Variants in CDK17 observed in about 807,000 individuals in gnomAD.
CDK17 encodes cyclin-dependent kinase 17.
In CDK17, 24 loss-of-function variants were observed where a neutral mutation model predicts 77.6. The ratio of observed to expected loss-of-function variants is 0.31; its 90% CI spans 0.22 to 0.44. The LOEUF (loss-of-function observed/expected upper bound fraction) is 0.44, where lower values mean the gene tolerates loss of function less well. Ranked by LOEUF, CDK17 falls within the 20% of genes least tolerant of loss-of-function variation. The pLI, the probability that CDK17 is intolerant of heterozygous loss-of-function variation, is 1.00. For missense variants in CDK17, 429 were observed against 622.5 expected (o/e 0.69, Z 3.31); for synonymous variants, 203 against 210.4 (o/e 0.96, Z 0.30).
chr12:96,307,742 A>C (rs2137098472), intron 5 of CDK17, among the ~76,000 whole-genome samples: 2 of 152,184 alleles, frequency 1.3e-5, no homozygotes, highest in African/African-American at 4.8e-5. Context: ...ATGGTGGCAC[A>C]TGCCTGTAAT....
Position 96,334,795 on chromosome 12 carries a change from T to A in CDK17, c.42A>T (p.Gly14=). The part of the protein sequence containing the change: ...FKRRLSLTLR[G]SQTIDESLSE... ...ACAATGATTCATCAATAGTCTGACT[T>A]CCTCGGAGTGTGAGGGATAGCCTTC... The change falls in exon 2 of 17, where the codon GGA becomes GGT. Residue 14 remains glycine (G), a synonymous_variant. Coordinates refer to ENST00000261211, the MANE Select transcript of CDK17 (RefSeq NM_002595.5). The A allele has an allele frequency of 6.2e-7, 1 of 1,611,644 alleles. No homozygotes were observed. The highest frequency in any genetic ancestry group is 1.1e-5 in the South Asian group (1 of 91,020).
chr12:96,289,652 T>C (rs1043043528), intron 10 of CDK17, among the ~76,000 whole-genome samples: 4 of 152,220 alleles, frequency 2.6e-5, no homozygotes, highest in Admixed American at 1.3e-4. Flanking sequence ...GCCAATGACA[T>C]TGAGATACAC....
intron 1 of CDK17, among the ~76,000 whole-genome samples, chr12:96,343,246 C>T (rs980193537): frequency 6.6e-6 from 1 of 152,194 alleles, no homozygotes; most frequent in Non-Finnish European, 1.5e-5. Context: ...TAATTAGACA[C>T]TAAAAACAAC....
At chr12:96,311,601 C>CTTTTTTTTTTTTTTTTTTTTTTTTTTTT (rs1592719896) in intron 4 of CDK17, among the ~76,000 whole-genome samples, 2 of 95,572 alleles carry the variant, frequency 2.1e-5, no homozygotes, top group African/African-American at 8.3e-5. Flanking sequence ...GGCATTTCTA[C>CTTTTTTTTTTTTTTTTTTTTTTTTTTTT]TTTATTTAAT....
intron 2 of CDK17, among the ~76,000 whole-genome samples, chr12:96,333,868 T>G (rs1953004933): frequency 2.0e-5 from 3 of 152,106 alleles, no homozygotes; most frequent in Non-Finnish European, 2.9e-5. Flanking sequence ...GAAGCCTGGG[T>G]AGAATAAACG....
Position 96,295,060 on chromosome 12 carries a change from T to G in CDK17, c.936A>C (p.Arg312=). The G allele has an allele frequency of 6.2e-7, 1 of 1,612,598 alleles. No individual in the cohort carries two copies. Among genetic ancestry groups the G allele is most frequent in the Non-Finnish European group, 8.5e-7 (1 of 1,178,794 alleles). The change falls in exon 10 of 17, where the codon CGA becomes CGC. Residue 312 remains arginine, a synonymous_variant. Transcript: ENST00000261211. ...AYCHRRKVLH[R]DLKPQNLLIN... is the part of the protein sequence containing the mutation. ...TGAGGAGGTTCTGTGGTTTCAAGTC[T>G]CGATGCAATACCTTTCTTCTATGGC...
intron 3 of CDK17, among the ~76,000 whole-genome samples, chr12:96,322,423 C>T (rs565307692): frequency 6.7e-6 from 1 of 150,172 alleles, no homozygotes; most frequent in African/African-American, 2.5e-5. Context: ...GATTATTAAA[C>T]AGAGAAGAAT....
At chr12:96,315,815 C>G (rs1381356290) in intron 3 of CDK17, among the ~76,000 whole-genome samples, 1 of 152,074 alleles carries the variant, frequency 6.6e-6, no homozygotes, top group Non-Finnish European at 1.5e-5. Flanking sequence ...CTGGGTTTAC[C>G]TTCCACATTG....
intron 3 of CDK17, among the ~76,000 whole-genome samples, chr12:96,316,509 A>T (rs1295625134): frequency 6.7e-6 from 1 of 149,484 alleles, no homozygotes; most frequent in Non-Finnish European, 1.5e-5. Flanking sequence ...GGCAGGGCAC[A>T]GACAAACAAA....
intron 1 of CDK17, among the ~76,000 whole-genome samples, chr12:96,348,181 G>A (rs1953253654): frequency 6.6e-6 from 1 of 151,446 alleles, no homozygotes; most frequent in Non-Finnish European, 1.5e-5. Context: ...AAATAATAAA[G>A]TCCAAATTGG....
intron 1 of CDK17, among the ~76,000 whole-genome samples, chr12:96,380,283 G>T (rs67050115): frequency 0.2 from 1,673 of 8,190 alleles, 73 homozygotes; most frequent in African/African-American, 0.32. Context: ...TTTTTAGCTG[G>T]TTTTTTTTTT....
chr12:96,288,192 A>G (rs962677593), intron 11 of CDK17, among the ~76,000 whole-genome samples: 1 of 152,204 alleles, frequency 6.6e-6, no homozygotes, highest in Non-Finnish European at 1.5e-5. Flanking sequence ...TTTTATGAGT[A>G]TTTTACAATA....
chr12:96,316,301 T>C (rs555912489), intron 3 of CDK17, among the ~76,000 whole-genome samples: 417 of 149,348 alleles, frequency 2.8e-3, no homozygotes, highest in Non-Finnish European at 4.6e-3. Flanking sequence ...GCTCGGAGGG[T>C]CCTACGCCCA....
chr12:96,388,143 T>C (rs1445562070), intron 1 of CDK17, among the ~76,000 whole-genome samples: 1 of 151,748 alleles, frequency 6.6e-6, no homozygotes, highest in Non-Finnish European at 1.5e-5. Context: ...TAGAGTCACA[T>C]ACAAGAGTCA....
chr12:96,349,406 T>C (rs959934868), intron 1 of CDK17, among the ~76,000 whole-genome samples: 38 of 151,990 alleles, frequency 2.5e-4, no homozygotes, highest in African/African-American at 3.6e-4. Context: ...TGAGCCGAGA[T>C]TGGGCCATTG....
intron 15 of CDK17, among the ~76,000 whole-genome samples, chr12:96,281,309 A>T (rs941345666): frequency 3.9e-5 from 6 of 152,250 alleles, no homozygotes; most frequent in African/African-American, 1.2e-4. Context: ...AACAAGGAAA[A>T]GGTTTGTATA....
Position 96,305,209 on chromosome 12 carries a change from C to T in CDK17, c.544-4849G>A, listed in dbSNP as rs536902484. On this transcript the variant is annotated intron_variant, in intron 5 of 16. Transcript: ENST00000261211. ...AATCATAAAGGACTACTAAATAGCA[C>T]GTCACCATCCAATAGCCAATATTTT... 3.1e-4 allele frequency among the ~76,000 whole-genome samples: 47 copies of T among 152,274 alleles called. No individual in the cohort carries two copies. In the South Asian group the frequency reaches 7.5e-3, roughly 24 times the overall value.
chr12:96,377,725 G>A (rs1320904332), intron 1 of CDK17, among the ~76,000 whole-genome samples: 8 of 132,308 alleles, frequency 6.0e-5, no homozygotes, highest in Non-Finnish European at 4.6e-5. Context: ...ATGGAGTCTC[G>A]CTCTGTCGCC....
At chr12:96,352,600 G>A (rs144943064) in intron 1 of CDK17, among the ~76,000 whole-genome samples, 4 of 152,166 alleles carry the variant, frequency 2.6e-5, no homozygotes, top group African/African-American at 7.2e-5. Flanking sequence ...TCTGATACCA[G>A]TGGTAAACTA....
Sources: gnomAD v4.1 joint callset for allele counts (sites outside exome capture counted in the v4.1 genomes callset) on GRCh38, gnomAD v4.1.1 for gene constraint, MANE v1.5 for transcripts, NCBI Gene and HGNC (gene_info 2026-07-23, HGNC 2026-07-21) for gene names.